The following NME8 variants were observed in gnomAD, a reference collection of about 807,000 sequenced individuals.
NME8 encodes the protein protein NME8.
In NME8, 72 loss-of-function variants were observed where a neutral mutation model predicts 82.3. The ratio of observed to expected loss-of-function variants is 0.87; its 90% CI spans 0.72 to 1.06. The LOEUF (loss-of-function observed/expected upper bound fraction) is 1.06, where lower values mean the gene tolerates loss of function less well. Among genes scored for constraint, NME8 ranks in the 50% least tolerant of loss-of-function variants. The probability of loss-of-function intolerance (pLI) is 0.00; values close to 1 mark genes in which losing one functional copy is unlikely to be tolerated. For synonymous variants in NME8, 267 were observed against 228.5 expected (o/e 1.17, Z -1.52); for missense variants, 712 against 685.4 (o/e 1.04, Z -0.43).
At chr7:37,853,958 T>C (rs1784473697) in intron 5 of NME8, among the ~76,000 whole-genome samples, 1 of 150,402 alleles carries the variant, frequency 6.6e-6, no homozygotes, top group Non-Finnish European at 1.5e-5. Flanking sequence ...TCCTTAATAA[T>C]TTATGTATTA....
chr7:37,885,308 T>A, intron 14 of NME8, 56 bp downstream of exon 14: 1 of 1,032,582 alleles, frequency 9.7e-7, no homozygotes. Context: ...TTTAAACACC[T>A]TTTTAGATGT....
chr7:37,889,556 CATTATTGATTATTGATAATTAATT>C (rs1382385579), intron 15 of NME8, among the ~76,000 whole-genome samples: 1 of 151,662 alleles, frequency 6.6e-6, no homozygotes, highest in African/African-American at 2.4e-5. Flanking sequence ...TTTTCATTAT[CATTATTGATTATTGATAATTAATT>C]ATTGAAATTT....
chr7:37,880,883 T>A (rs540857422), intron 12 of NME8, among the ~76,000 whole-genome samples: 1 of 152,168 alleles, frequency 6.6e-6, no homozygotes, highest in Non-Finnish European at 1.5e-5. Context: ...TGTATTTTCT[T>A]TTTTAGTGCT....
intron 5 of NME8, among the ~76,000 whole-genome samples, chr7:37,851,839 A>G (rs148438636): frequency 6.4e-4 from 97 of 152,286 alleles, no homozygotes; most frequent in African/African-American, 2.1e-3. Flanking sequence ...TAATGCAGAC[A>G]TGCAACCACA....
chr7:37,895,593 T>C (rs1389746461), intron 16 of NME8, among the ~76,000 whole-genome samples: 2 of 152,192 alleles, frequency 1.3e-5, no homozygotes, highest in Non-Finnish European at 1.5e-5. Flanking sequence ...ATGAGTTACA[T>C]GTCTTTTCTA....
At chr7:37,891,923 T>C (rs1785135303) in intron 15 of NME8, among the ~76,000 whole-genome samples, 1 of 150,620 alleles carries the variant, frequency 6.6e-6, no homozygotes, top group South Asian at 2.2e-4. Flanking sequence ...TTCTTATTTC[T>C]TGAGCTATTC....
At chr7:37,869,608 C>A (rs1280932893) in intron 11 of NME8, among the ~76,000 whole-genome samples, 1 of 152,116 alleles carries the variant, frequency 6.6e-6, no homozygotes, top group Non-Finnish European at 1.5e-5. Context: ...AGCAGCTCTC[C>A]CTCCAGAACA....
chr7:37,882,609 G>C (rs58454368), intron 12 of NME8, among the ~76,000 whole-genome samples: 1 of 54,498 alleles, frequency 1.8e-5, no homozygotes, highest in Admixed American at 2.3e-4. Context: ...GAGAGAGAGA[G>C]AGAGAGAAAG....
At chr7:37,863,610 A>G (rs1784631675) in intron 8 of NME8, 148 bp downstream of exon 8, 1 of 654,218 alleles carries the variant, frequency 1.5e-6, no homozygotes. Context: ...GCCTTGCAAG[A>G]CTCAGCTATT....
At chr7:37,859,899 T>G (rs1469024798) in intron 6 of NME8, among the ~76,000 whole-genome samples, 1 of 152,212 alleles carries the variant, frequency 6.6e-6, no homozygotes, top group Non-Finnish European at 1.5e-5. Flanking sequence ...TAATCATTAA[T>G]TTAAGAATAG....
intron 10 of NME8, among the ~76,000 whole-genome samples, chr7:37,866,442 C>T (rs1238653780): frequency 6.6e-6 from 1 of 152,162 alleles, no homozygotes; most frequent in Admixed American, 6.5e-5. Flanking sequence ...CAACTGTATT[C>T]GCATTAACTG....
At chr7:37,882,451 C>T (rs1784960924) in intron 12 of NME8, among the ~76,000 whole-genome samples, 1 of 150,896 alleles carries the variant, frequency 6.6e-6, no homozygotes, top group Non-Finnish European at 1.5e-5. Flanking sequence ...GGTGCTACTG[C>T]ACCCCAGCCT....
Position 37,864,240 on chromosome 7 carries a change from A to G in NME8, c.455-108A>G. Reference sequence around the variant, plus strand: ...TAAGATACACAGCTATCAATGGGCAACAATTAACTGATCATTAGAAATTTA... The same window carrying G: ...TAAGATACACAGCTATCAATGGGCAGCAATTAACTGATCATTAGAAATTTA... On this transcript the variant is annotated intron_variant, in intron 8 of 17. Transcript: ENST00000199447. 2.2e-6 allele frequency: 3 copies of G among 1,354,704 alleles called. No homozygotes were observed. In the East Asian group the frequency reaches 7.8e-5, roughly 35 times the overall value. The allele number at this position is 1,354,704 out of a possible 1,614,324, so 83.9% of individuals were successfully genotyped here.
intron 12 of NME8, among the ~76,000 whole-genome samples, chr7:37,878,169 A>C (rs1355272093): frequency 6.6e-6 from 1 of 152,194 alleles, no homozygotes; most frequent in Non-Finnish European, 1.5e-5. Flanking sequence ...AATTTTTATC[A>C]GGAAAGGATG....
rs180830403 is a variant in NME8 at position 37,896,859 on chromosome 7, G to T, written c.1545-11G>T. 2 of 1,611,864 alleles carry T rather than the reference G, an allele frequency of 1.2e-6. No individual in the cohort carries two copies. The highest frequency in any genetic ancestry group is 1.7e-6 in the Non-Finnish European group (2 of 1,178,088). ...GTAGGCTGGGTCTTCTGAAAGCACC[G>T]TTCTTTGCAGGGGTCCATCTATGGT... On this transcript the variant is annotated splice_polypyrimidine_tract_variant and intron_variant, in intron 16 of 17. Transcript: ENST00000199447.
At chr7:37,849,163 CCTGTT>C (rs1369576865) in intron 2 of NME8, 107 bp downstream of exon 2, 1 of 152,178 alleles carries the variant, frequency 6.6e-6, no homozygotes, top group African/African-American at 2.4e-5. Flanking sequence ...CTGACTGACC[CCTGTT>C]CTACACCGCC....
chr7:37,878,720 A>G (rs1784896116), intron 12 of NME8, among the ~76,000 whole-genome samples: 1 of 152,234 alleles, frequency 6.6e-6, no homozygotes, highest in Non-Finnish European at 1.5e-5. Context: ...AGAAAAATCA[A>G]GCCAAAATAT....
intron 2 of NME8, among the ~76,000 whole-genome samples, chr7:37,849,921 C>T (rs1453791176): frequency 1.3e-5 from 2 of 149,394 alleles, no homozygotes. Flanking sequence ...TATTTGCTAG[C>T]ACAAACAGGT....
intron 11 of NME8, among the ~76,000 whole-genome samples, chr7:37,870,256 A>AT (rs1340848605): frequency 6.6e-6 from 1 of 151,284 alleles, no homozygotes; most frequent in Non-Finnish European, 1.5e-5. Flanking sequence ...AAAAAAAAAA[A>AT]AAGAACTCGC....
Sources: allele counts gnomAD v4.1 joint callset (sites outside exome capture counted in the v4.1 genomes callset), GRCh38; gene constraint gnomAD v4.1.1; transcripts MANE v1.5; gene names NCBI Gene and HGNC (gene_info 2026-07-23, HGNC 2026-07-21).